Variants in ASTN2 observed in about 807,000 individuals in gnomAD.
ASTN2 encodes the protein astrotactin 2.
A neutral mutation model predicts 139.8 loss-of-function variants in ASTN2; 54 were observed. The ratio of observed to expected loss-of-function variants is 0.39; its 90% CI spans 0.31 to 0.48. The LOEUF (loss-of-function observed/expected upper bound fraction) is 0.48. ASTN2 is among the 20% of genes least tolerant of loss of function. The probability of loss-of-function intolerance (pLI) is 0.95; values close to 1 mark genes in which losing one functional copy is unlikely to be tolerated. For missense variants in ASTN2, 1,565 were observed against 1,725.1 expected (o/e 0.91, Z 1.64); for synonymous variants, 756 against 719.5 (o/e 1.05, Z -0.81).
rs7045691 is a variant in ASTN2, at chr9:117,399,779, G to A, written c.442+14718C>T. Among the ~76,000 whole-genome samples the A allele has an allele frequency of 9.3e-3, 1,423 of 152,222 alleles. 26 individuals are homozygous for A. Among genetic ancestry groups the A allele is most frequent in the African/African-American group, 0.033 (1,369 of 41,526 alleles). Reference sequence around the variant, plus strand: ...ACCAGGCAGAGATGCCAAGGTTTTCGGGTTGAATTGGTTTAGATTAGGAAA... The same window carrying A: ...ACCAGGCAGAGATGCCAAGGTTTTCAGGTTGAATTGGTTTAGATTAGGAAA... On this transcript the variant is annotated intron_variant, in intron 1 of 22. Transcript: ENST00000313400.
intron 5 of ASTN2, among the ~76,000 whole-genome samples, chr9:117,055,463 A>G (rs758458526): frequency 6.6e-6 from 1 of 152,220 alleles, no homozygotes; most frequent in Non-Finnish European, 1.5e-5. Flanking sequence ...TTTAACATGC[A>G]GAATATATTT....
intron 17 of ASTN2, among the ~76,000 whole-genome samples, chr9:116,630,309 T>C (rs1856683975): frequency 6.6e-6 from 1 of 152,206 alleles, no homozygotes; most frequent in Non-Finnish European, 1.5e-5. Context: ...ATGGGTCACT[T>C]TCATCTCCAT....
chr9:116,600,973 A>G (rs1854867147), intron 19 of ASTN2, among the ~76,000 whole-genome samples: 1 of 152,224 alleles, frequency 6.6e-6, no homozygotes, highest in Admixed American at 6.5e-5. Context: ...TAAAAAAAAG[A>G]TAAATATAAC....
chr9:116,994,470 A>G (rs1170760800), intron 7 of ASTN2, among the ~76,000 whole-genome samples: 1 of 152,172 alleles, frequency 6.6e-6, no homozygotes, highest in Non-Finnish European at 1.5e-5. Flanking sequence ...GAAATGAAAT[A>G]TATATGAAAT....
chr9:117,299,710 G>A (rs1266866527), intron 1 of ASTN2, among the ~76,000 whole-genome samples: 1 of 152,182 alleles, frequency 6.6e-6, no homozygotes, highest in Non-Finnish European at 1.5e-5. Flanking sequence ...GCTCCTTTAT[G>A]CAATCAGACC....
rs1588320755 is a variant in ASTN2, at chr9:116,820,615, A to C, written c.2207+2T>G. 1 of 1,613,040 alleles carries C rather than the reference A, an allele frequency of 6.2e-7. No homozygotes were observed. Among genetic ancestry groups the C allele is most frequent in the African/African-American group, 1.3e-5 (1 of 75,024 alleles). On this transcript the variant is annotated splice_donor_variant, in intron 12 of 22. Transcript: ENST00000313400. LOFTEE classifies it high-confidence loss of function. The stretch of plus-strand genomic sequence containing the variant: ...ACCTGGGCCTTGGGGACAGAGACTC[A>C]CCCGCAGAACATGAAGATGGTGCTC...
At chr9:116,669,708 G>T (rs1265058345) in intron 16 of ASTN2, among the ~76,000 whole-genome samples, 3 of 151,926 alleles carry the variant, frequency 2.0e-5, no homozygotes, top group Non-Finnish European at 4.4e-5. Flanking sequence ...CTTTCTCCCA[G>T]TCTTTGGCTT....
intron 1 of ASTN2, among the ~76,000 whole-genome samples, chr9:117,337,468 G>C (rs1473932424): frequency 6.6e-6 from 1 of 152,100 alleles, no homozygotes; most frequent in Non-Finnish European, 1.5e-5. Context: ...GATTATGCCT[G>C]GCATTGGACT....
At chr9:116,764,776 T>C (rs1270504281) in intron 13 of ASTN2, among the ~76,000 whole-genome samples, 18 of 152,196 alleles carry the variant, frequency 1.2e-4, no homozygotes, top group African/African-American at 1.7e-4. Context: ...TCTGATATAA[T>C]TGTCGTCCTA....
At chr9:116,993,853 GATAT>G (rs61556942) in intron 7 of ASTN2, among the ~76,000 whole-genome samples, 5 of 132,046 alleles carry the variant, frequency 3.8e-5, no homozygotes, top group Admixed American at 2.4e-4. Flanking sequence ...GTATGTACAT[GATAT>G]ATATATATAT....
chr9:116,590,542 G>A (rs1440355113), intron 19 of ASTN2, among the ~76,000 whole-genome samples: 8 of 152,300 alleles, frequency 5.3e-5, no homozygotes, highest in East Asian at 1.9e-4. Context: ...GCAGGTTGAC[G>A]GCAGCAGGAG....
intron 19 of ASTN2, among the ~76,000 whole-genome samples, chr9:116,572,199 C>T (rs540964155): frequency 2.6e-5 from 4 of 152,294 alleles, no homozygotes; most frequent in East Asian, 3.9e-4. Flanking sequence ...TCTCTCCCTG[C>T]CTTCTCCTCC....
At chr9:116,936,428 C>T (rs1467353275) in intron 10 of ASTN2, among the ~76,000 whole-genome samples, 3 of 152,148 alleles carry the variant, frequency 2.0e-5, no homozygotes, top group African/African-American at 7.2e-5. Context: ...AAGCACTTTA[C>T]ATGCATGGTC....
rs1163049570 is a variant in ASTN2 at position 116,442,509 on chromosome 9, A to C, written c.3542T>G (p.Leu1181Arg). 6.2e-6 allele frequency: 10 copies of C among 1,614,050 alleles called. No homozygotes were observed. The highest frequency in any genetic ancestry group is 1.7e-5 in the Admixed American group (1 of 59,998). ...GGCCGTCCTCAGGGTCACCGTGCTTAGCTCTGAGTGCCTCCCTCGTGTATC... is the reference window on the plus strand; with the variant it reads ...GGCCGTCCTCAGGGTCACCGTGCTTCGCTCTGAGTGCCTCCCTCGTGTATC... ...AVDTRGRHSE[L>R]STVTLRTACP... Residue 1181 changes from leucine to arginine, a missense_variant, in exon 21 of 23, where the codon CTA (leucine) becomes CGA (arginine). By Grantham distance (102) the Leu-to-Arg change is moderately radical. This residue lies in a region of ASTN2 where 418 missense variants were observed against 465.8 expected (regional missense o/e 0.90). Coordinates refer to ENST00000313400, the MANE Select transcript of ASTN2 (RefSeq NM_001365068.1).
intron 2 of ASTN2, among the ~76,000 whole-genome samples, chr9:117,234,212 C>T (rs1832978080): frequency 6.6e-6 from 1 of 152,202 alleles, no homozygotes; most frequent in South Asian, 2.1e-4. Context: ...CAGTGGTACT[C>T]AGCTGTCTGC....
chr9:116,778,818 G>A (rs1178536463), intron 13 of ASTN2, among the ~76,000 whole-genome samples: 1 of 152,164 alleles, frequency 6.6e-6, no homozygotes, highest in African/African-American at 2.4e-5. Context: ...CCACCTGTCT[G>A]AAGTCCTTTA....
At chr9:116,735,436 G>C (rs193230239) in intron 13 of ASTN2, among the ~76,000 whole-genome samples, 2 of 152,308 alleles carry the variant, frequency 1.3e-5, no homozygotes, top group East Asian at 3.9e-4. Flanking sequence ...GGTGGCCTCT[G>C]GTGATAGATT....
At chr9:116,690,708 G>GCT (rs1474649147) in intron 16 of ASTN2, among the ~76,000 whole-genome samples, 17 of 152,128 alleles carry the variant, frequency 1.1e-4, no homozygotes, top group African/African-American at 4.1e-4. Context: ...TTGAATCCTT[G>GCT]CTCTATTACT....
chr9:117,075,507 A>G (rs71505600), intron 5 of ASTN2, among the ~76,000 whole-genome samples: 1 of 130,060 alleles, frequency 7.7e-6, no homozygotes, highest in African/African-American at 2.8e-5. Flanking sequence ...GGGGAGGGGG[A>G]GGAGGAGGAG....
Sources: gnomAD v4.1 joint callset for allele counts (sites outside exome capture counted in the v4.1 genomes callset) on GRCh38, gnomAD v4.1.1 for gene constraint, gnomAD v4.1.1 regional missense constraint, MANE v1.5 for transcripts, NCBI Gene and HGNC (gene_info 2026-07-23, HGNC 2026-07-21) for gene names.